SPATA13: variants seen among roughly 807,000 people sequenced by gnomAD.
SPATA13 encodes spermatogenesis-associated protein 13.
SPATA13 carries 50 observed loss-of-function variants against 104.0 expected under a neutral mutation model. That is an observed-to-expected ratio of 0.48 (90% confidence interval 0.38 to 0.61). The LOEUF is 0.61. SPATA13 is among the 20% of genes least tolerant of loss of function. The pLI is 0.00. For synonymous variants in SPATA13, 606 were observed against 667.5 expected (o/e 0.91, Z 1.42); for missense variants, 1,524 against 1,690.6 (o/e 0.90, Z 1.73).
chr13:24,179,833 CTT>C (rs1423804936), intron 1 of SPATA13, among the ~76,000 whole-genome samples: 1 of 152,120 alleles, frequency 6.6e-6, no homozygotes, highest in African/African-American at 2.4e-5. Flanking sequence ...CTCTTCAAGT[CTT>C]TGCTCATTTT....
intron 2 of SPATA13, among the ~76,000 whole-genome samples, chr13:24,247,382 G>A (rs761709936): frequency 4.6e-5 from 7 of 151,422 alleles, no homozygotes; most frequent in African/African-American, 1.7e-4. Context: ...GGCAAGTCAC[G>A]TCACTTCTTT....
At chr13:24,186,533 G>A (rs1239108857) in intron 1 of SPATA13, among the ~76,000 whole-genome samples, 3 of 152,282 alleles carry the variant, frequency 2.0e-5, no homozygotes, top group South Asian at 2.1e-4. Flanking sequence ...AATGTTCTAC[G>A]AGTCAAGATT....
chr13:24,216,683 C>T (rs960325023), intron 1 of SPATA13, among the ~76,000 whole-genome samples: 4 of 152,256 alleles, frequency 2.6e-5, no homozygotes, highest in African/African-American at 7.2e-5. Flanking sequence ...AGAGGAAGGA[C>T]GGTGTCTGGC....
intron 2 of SPATA13, among the ~76,000 whole-genome samples, chr13:23,987,392 T>G (rs1050332417): frequency 6.6e-6 from 1 of 152,172 alleles, no homozygotes; most frequent in African/African-American, 2.4e-5. Flanking sequence ...ATAGTTCCCA[T>G]GATGGTGGAG....
Position 24,286,650 on chromosome 13 carries a change from C to T in SPATA13, c.2482-115C>T. 3.8e-6 allele frequency: 4 copies of T among 1,040,484 alleles called. No individual in the cohort carries two copies. The highest frequency in any genetic ancestry group is 3.3e-5 in the South Asian group (2 of 61,244). 64.5% of individuals were successfully genotyped at this position (1,040,484 alleles called of 1,614,324 possible). A position where few individuals can be genotyped will look rare whatever the true frequency, so the allele number is the denominator to read the frequency against. ...TGAGGCCATGAGACTCAGGCGAGGG[C>T]CAGGCTGCCTTCCTAACAGGTCACA... On this transcript the variant is annotated intron_variant, in intron 6 of 12. Transcript: ENST00000382108. The surrounding 1 kb of genome is among the most constrained non-coding windows in gnomAD (Gnocchi z 4.9).
At chr13:24,045,244 G>A (rs760549557) in intron 3 of SPATA13, among the ~76,000 whole-genome samples, 1 of 152,100 alleles carries the variant, frequency 6.6e-6, no homozygotes, top group Non-Finnish European at 1.5e-5. Context: ...TAAGATTTAT[G>A]TTCTTCTTGT....
At chr13:24,292,104 G>T (rs757808552) in intron 9 of SPATA13, among the ~76,000 whole-genome samples, 4 of 152,190 alleles carry the variant, frequency 2.6e-5, no homozygotes, top group Non-Finnish European at 4.4e-5. Context: ...TTCTTCTCAC[G>T]CCCTTGTTCC....
chr13:24,227,771 G>A (rs915599439), intron 2 of SPATA13, among the ~76,000 whole-genome samples: 2 of 151,962 alleles, frequency 1.3e-5, no homozygotes, highest in Admixed American at 6.6e-5. Context: ...GGGTTTTGCC[G>A]TGTTGGTCAG....
At chr13:24,290,207 G>C (rs188176470) in intron 8 of SPATA13, among the ~76,000 whole-genome samples, 71 of 152,328 alleles carry the variant, frequency 4.7e-4, no homozygotes, top group Admixed American at 1.0e-3. Flanking sequence ...GGGAAGAGAG[G>C]TATGTTGAAA....
Position 24,019,310 on chromosome 13 carries a change from G to T in SPATA13, c.-112+1609G>T, listed in dbSNP as rs559024941. On this transcript the variant is annotated intron_variant, in intron 3 of 14. Coordinates refer to the SPATA13 transcript ENST00000424834. ...TCACCGTTTTAGCCGGGATGGTCTC[G>T]ATCTCCTGACCTCGTGATCCGCCCG... Among the ~76,000 whole-genome samples the T allele has an allele frequency of 2.5e-4, 38 of 151,858 alleles. No individual in the cohort carries two copies. The East Asian group carries it at 7.4e-3, about 29-fold the overall frequency.
intron 7 of SPATA13, among the ~76,000 whole-genome samples, chr13:24,288,763 A>G (rs758142520): frequency 2.0e-5 from 3 of 152,214 alleles, no homozygotes; most frequent in Non-Finnish European, 2.9e-5. Flanking sequence ...TTCTGGAAAC[A>G]TTATATGGTT....
At chr13:24,299,006 C>T (rs905771804) in intron 11 of SPATA13, among the ~76,000 whole-genome samples, 3 of 152,168 alleles carry the variant, frequency 2.0e-5, no homozygotes, top group Admixed American at 2.0e-4. Context: ...TTCCCAGCAA[C>T]AGCCATAGAT....
chr13:24,102,324 GTTAT>G (rs1441744935), intron 3 of SPATA13, among the ~76,000 whole-genome samples: 14 of 151,970 alleles, frequency 9.2e-5, no homozygotes, highest in Admixed American at 7.9e-4. Context: ...TTTAAATTGG[GTTAT>G]TTGTTTTTGT....
intron 9 of SPATA13, among the ~76,000 whole-genome samples, chr13:24,291,858 G>A (rs930739876): frequency 5.3e-5 from 8 of 150,688 alleles, no homozygotes; most frequent in African/African-American, 1.7e-4. Context: ...CCGGGTTCAC[G>A]CCATTCTCCT....
At chr13:24,267,733 T>G (rs1874362255) in intron 4 of SPATA13, among the ~76,000 whole-genome samples, 1 of 152,246 alleles carries the variant, frequency 6.6e-6, no homozygotes, top group Admixed American at 6.5e-5. Flanking sequence ...CTGCTTTGTG[T>G]CTGAGTATTA....
At chr13:24,099,990 A>G (rs1023712423) in intron 3 of SPATA13, among the ~76,000 whole-genome samples, 1 of 152,192 alleles carries the variant, frequency 6.6e-6, no homozygotes, top group African/African-American at 2.4e-5. Flanking sequence ...CCCAGGGTCC[A>G]CGGAGGGGCT....
chr13:24,116,720 C>T (rs1469192563), intron 3 of SPATA13, among the ~76,000 whole-genome samples: 3 of 149,970 alleles, frequency 2.0e-5, no homozygotes, highest in Admixed American at 6.6e-5. Flanking sequence ...TTCACCATTG[C>T]CATAGACTTA....
chr13:24,233,131 T>C (rs1298904174), intron 2 of SPATA13, among the ~76,000 whole-genome samples: 1 of 152,234 alleles, frequency 6.6e-6, no homozygotes, highest in African/African-American at 2.4e-5. Context: ...CTGCAGAGAA[T>C]GTAAGTTTCC....
At chr13:24,147,777 T>C (rs1404708269) in intron 3 of SPATA13, among the ~76,000 whole-genome samples, 3 of 44,316 alleles carry the variant, frequency 6.8e-5, no homozygotes, top group African/African-American at 1.6e-4. Context: ...CCCTAGCCCC[T>C]GGCAGACACC....
Sources: allele counts gnomAD v4.1 joint callset (sites outside exome capture counted in the v4.1 genomes callset), GRCh38; gene constraint gnomAD v4.1.1; non-coding constraint Gnocchi (gnomAD v3.1); transcripts MANE v1.5; gene names NCBI Gene and HGNC (gene_info 2026-07-23, HGNC 2026-07-21).